The following SLC22A13 variants were observed in gnomAD, a reference collection of about 807,000 sequenced individuals.
SLC22A13 encodes the protein solute carrier family 22 member 13.
Under a neutral mutation model 49.1 loss-of-function variants are expected in SLC22A13, and 42 were observed. The observed-to-expected ratio is 0.85, with a 90% CI of 0.67 to 1.11. The LOEUF (loss-of-function observed/expected upper bound fraction) is 1.11. SLC22A13 is among the 50% of genes least tolerant of loss of function. The pLI, the probability that SLC22A13 is intolerant of heterozygous loss-of-function variation, is 0.00. For missense variants in SLC22A13, 694 were observed against 712.8 expected, an observed-to-expected ratio of 0.97 and a Z score of 0.30; for synonymous variants, 282 against 293.1, an observed-to-expected ratio of 0.96 and a Z score of 0.39.
At chr3:38,271,542 CAAAAAAAAA>C (rs397837435) in intron 1 of SLC22A13, among the ~76,000 whole-genome samples, 29 of 48,426 alleles carry the variant, frequency 6.0e-4, no homozygotes, top group Admixed American at 4.2e-3. Flanking sequence ...GACGCTTTCT[CAAAAAAAAA>C]AAAAAAAAAA....
chr3:38,273,838 A>G (rs545472151), intron 1 of SLC22A13, among the ~76,000 whole-genome samples: 239 of 152,318 alleles, frequency 1.6e-3, no homozygotes, highest in African/African-American at 5.4e-3. Context: ...TACTGATAAG[A>G]TGTATGCACT....
Position 38,275,582 on chromosome 3 carries a change from T to A in SLC22A13, c.932T>A (p.Val311Asp). The change falls in exon 6 of 10, where the codon GTC becomes GAC. Residue 311 changes from valine (V) to aspartate (D), a missense_variant. Transcript: ENST00000311856. ...KLSPELMNQL[V>D]PEKTGPSGNA... ...CACTCTGCTTCTTCCTCCCAGCTGG[T>A]CCCAGAGAAGACAGGCCCCTCAGGG... 6.2e-7 allele frequency: 1 copy of A among 1,613,878 alleles called. No individual in the cohort carries two copies. The highest frequency in any genetic ancestry group is 8.5e-7 in the Non-Finnish European group (1 of 1,179,816).
At chr3:38,276,533 A>T (rs1703586485) in intron 8 of SLC22A13, 138 bp downstream of exon 8, 1 of 647,024 alleles carries the variant, frequency 1.5e-6, no homozygotes, top group Admixed American at 2.9e-5. Flanking sequence ...GTCCAGGACA[A>T]CTAGAAATCT....
intron 9 of SLC22A13, 80 bp downstream of exon 9, chr3:38,277,207 A>G (rs1178029670): frequency 7.5e-6 from 9 of 1,196,610 alleles, no homozygotes; most frequent in East Asian, 2.5e-5. Flanking sequence ...CCTCCACCTC[A>G]TCACTCGTCC....
At chr3:38,266,691 C>G (rs1403565942) in intron 1 of SLC22A13, among the ~76,000 whole-genome samples, 1 of 152,150 alleles carries the variant, frequency 6.6e-6, no homozygotes, top group Non-Finnish European at 1.5e-5. Flanking sequence ...CACTGCCTTC[C>G]TGCTTGCTGG....
At position 38,274,980 on chromosome 3, in the gene SLC22A13, T is replaced by C; in HGVS notation, c.638-9T>C. On this transcript the variant is annotated splice_polypyrimidine_tract_variant and intron_variant, in intron 3 of 9. Coordinates refer to ENST00000311856, the MANE Select transcript of SLC22A13 (RefSeq NM_004256.4). ...GATTAGCCCTGTCTCAACCTCTCCA[T>C]TGCCACAGTGACAGAATGGGTGGGG... is the stretch of plus-strand genomic sequence containing the variant. 3.1e-6 allele frequency: 5 copies of C among 1,613,350 alleles called. No homozygotes were observed. Among genetic ancestry groups the C allele is most frequent in the South Asian group, 1.1e-5 (1 of 91,074 alleles).
intron 1 of SLC22A13, among the ~76,000 whole-genome samples, chr3:38,267,473 G>T (rs1028433037): frequency 7.2e-5 from 11 of 152,066 alleles, no homozygotes; most frequent in Admixed American, 4.6e-4. Context: ...GCCCTAACGT[G>T]TTGTGATATG....
At chr3:38,271,455 A>G (rs1468130771) in intron 1 of SLC22A13, among the ~76,000 whole-genome samples, 1 of 149,242 alleles carries the variant, frequency 6.7e-6, no homozygotes, top group African/African-American at 2.5e-5. Context: ...AGTCTCAGCT[A>G]CTCCAGAGGC....
intron 1 of SLC22A13, among the ~76,000 whole-genome samples, chr3:38,272,413 T>G (rs1374010375): frequency 6.6e-6 from 1 of 152,248 alleles, no homozygotes; most frequent in Non-Finnish European, 1.5e-5. Flanking sequence ...CAGGTGATAC[T>G]ATATAGCATA....
rs749823532 is a variant in SLC22A13 at position 38,276,938 on chromosome 3, T to C, written c.1373T>C (p.Ile458Thr). Residue 458 changes from isoleucine (I) to threonine (T), a missense_variant, in exon 9 of 10, where the codon ATC (isoleucine) becomes ACC (threonine). Transcript: ENST00000311856. ...LRQTGMGLVG[I>T]FSRIGGILTP... ...CAGACAGGCATGGGGCTGGTGGGCATCTTCTCACGGATCGGGGGCATCCTC... is the reference window on the plus strand; with the variant it reads ...CAGACAGGCATGGGGCTGGTGGGCACCTTCTCACGGATCGGGGGCATCCTC... 6.2e-7 allele frequency: 1 copy of C among 1,613,874 alleles called. No individual in the cohort carries two copies. The highest frequency in any genetic ancestry group is 8.5e-7 in the Non-Finnish European group (1 of 1,179,942).
chr3:38,277,651 ACAGGACCTCCCGGCC>A lies in SLC22A13; in HGVS notation c.*187_*201del. The A allele has an allele frequency of 1.9e-6, 1 of 534,030 alleles. No individual in the cohort carries two copies. The highest frequency in any genetic ancestry group is 3.3e-5 in the Admixed American group (1 of 30,378). 33.1% of individuals were successfully genotyped at this position (534,030 alleles called of 1,614,324 possible). A position where few individuals can be genotyped will look rare whatever the true frequency, so the allele number is the denominator to read the frequency against. On this transcript the variant is annotated 3_prime_UTR_variant, in exon 10 of 10. Coordinates refer to ENST00000311856, the MANE Select transcript of SLC22A13 (RefSeq NM_004256.4). ...CCCAGACTGGGAACCACCATCTGAG[ACAGGACCTCCCGGCC>A]TCCTTCACCTTTCTCATCTCCAGAG... is the stretch of plus-strand genomic sequence containing the variant.
rs80045431 is a variant in SLC22A13, at chr3:38,276,318, G to C, written c.1269G>C (p.Val423=). The C allele has an allele frequency of 1.2e-6, 2 of 1,613,736 alleles. No individual in the cohort carries two copies. Among genetic ancestry groups the C allele is most frequent in the African/African-American group, 1.3e-5 (1 of 75,050 alleles). The change falls in exon 8 of 10, where the codon GTG becomes GTC. Residue 423 remains valine (V), a synonymous_variant. Transcript: ENST00000311856. ...CCGTGGTGGTCACCATGCTGGCTGT[G>C]GTGGGGAAGATGGCCACAGCTGCTG... is the stretch of plus-strand genomic sequence containing the variant. ...DLPVVVTMLA[V]VGKMATAAAF... is the part of the protein sequence containing the mutation.
rs548418405 is a variant in SLC22A13 at position 38,272,882 on chromosome 3, C to T, written c.379-1390C>T. 2.6e-5 allele frequency among the ~76,000 whole-genome samples: 4 copies of T among 152,328 alleles called. No individual in the cohort carries two copies. The South Asian group carries it at 8.3e-4, about 32-fold the overall frequency. On this transcript the variant is annotated intron_variant, in intron 1 of 9. Coordinates refer to ENST00000311856, the MANE Select transcript of SLC22A13 (RefSeq NM_004256.4). ...AGCAGACATCCTCTTAGCCTTCACT[C>T]AGATTCATTCCCTGTCTAGGGCAAG... is the stretch of plus-strand genomic sequence containing the variant.
Position 38,266,070 on chromosome 3 carries a change from G to C in SLC22A13, c.210G>C (p.Leu70=), listed in dbSNP as rs1196705561. ...TGAGTGCTGCTGAACAGCTGGTACT[G>C]AGCGTGCCCCTGGACACTGCAGGTC... ...FNLSAAEQLV[L]SVPLDTAGHP... The change falls in exon 1 of 10, where the codon CTG becomes CTC. Residue 70 remains leucine (L), a synonymous_variant. Coordinates refer to ENST00000311856, the MANE Select transcript of SLC22A13 (RefSeq NM_004256.4). 1 of 1,614,150 alleles carries C rather than the reference G, an allele frequency of 6.2e-7. No individual in the cohort carries two copies. The highest frequency in any genetic ancestry group is 1.7e-5 in the Admixed American group (1 of 60,026).
intron 8 of SLC22A13, 51 bp from the exon 9 acceptor site, chr3:38,276,861 A>G (rs376734191): frequency 1.7e-5 from 25 of 1,496,924 alleles, no homozygotes; most frequent in Middle Eastern, 3.4e-4. Flanking sequence ...GGTGAAGCTG[A>G]GGCCCAGAGT....
In SLC22A13 at chr3:38,275,959, T is replaced by C. The variant is rs1703577928; in HGVS notation, c.1100T>C (p.Leu367Pro). ...GGCCTGGACGTCTATCTGACGCAGC[T>C]CATCTTTGGAGCTGTTGAGGTGCCT... ...DFGLDVYLTQLIFGAVEVPAR... is the reference protein window; with the variant it reads ...DFGLDVYLTQPIFGAVEVPAR... The change falls in exon 7 of 10, where the codon CTC becomes CCC. Residue 367 changes from leucine (L) to proline (P), a missense_variant. Leu to Pro is a moderately conservative substitution (Grantham distance 98, BLOSUM62 -3). Coordinates refer to ENST00000311856, the MANE Select transcript of SLC22A13 (RefSeq NM_004256.4). 8 of 1,614,240 alleles carry C rather than the reference T, an allele frequency of 5.0e-6. No individual in the cohort carries two copies. In the East Asian group the frequency reaches 1.8e-4, roughly 36 times the overall value.
In SLC22A13 at chr3:38,274,722, G is replaced by A; in HGVS notation, c.601G>A (p.Ala201Thr). The change falls in exon 3 of 10, where the codon GCC becomes ACC. Residue 201 changes from alanine to threonine, a missense_variant. Coordinates refer to ENST00000311856, the MANE Select transcript of SLC22A13 (RefSeq NM_004256.4). Reference protein sequence around the residue: ...YMALRFAVATAVAGLSFSNVT... With the variant: ...YMALRFAVATTVAGLSFSNVT... ...GGCCCTGCGCTTTGCTGTGGCTACT[G>A]CCGTCGCTGGACTTAGCTTCAGCAA... 1 of 1,614,178 alleles carries A rather than the reference G, an allele frequency of 6.2e-7. No homozygotes were observed. Among genetic ancestry groups the A allele is most frequent in the Non-Finnish European group, 8.5e-7 (1 of 1,180,020 alleles).
rs760282516 is a variant in SLC22A13, at chr3:38,275,085, A to T, written c.734A>T (p.Tyr245Phe). Residue 245 changes from tyrosine to phenylalanine, a missense_variant, in exon 4 of 10, where the codon TAC becomes TTC. Coordinates refer to ENST00000311856, the MANE Select transcript of SLC22A13 (RefSeq NM_004256.4). ...LGQMVLAGLA[Y>F]GFRNWRLLQI... is the part of the protein sequence containing the mutation. ...CAGATGGTGCTTGCGGGACTCGCCT[A>T]CGGTTTCCGCAACTGGAGGCTCCTT... The T allele has an allele frequency of 2.5e-6, 4 of 1,614,184 alleles. No individual in the cohort carries two copies. In the Admixed American group the frequency reaches 6.7e-5, roughly 27 times the overall value.
At position 38,275,896 on chromosome 3, in the gene SLC22A13, T is replaced by G; in HGVS notation, c.1037T>G (p.Leu346Arg). The change falls in exon 7 of 10, where the codon CTG becomes CGG. Residue 346 changes from leucine (L) to arginine (R), a missense_variant. Transcript: ENST00000311856. ...TTACCTTGTAGGTTTGTGGACAGTC[T>G]GGGGTACTACGGCCTGAGCCTCCAA... Reference protein sequence around the residue: ...IIFCVWFVDSLGYYGLSLQVG... With the variant: ...IIFCVWFVDSRGYYGLSLQVG... The G allele has an allele frequency of 1.2e-6, 2 of 1,614,160 alleles. No individual in the cohort carries two copies. Among genetic ancestry groups the G allele is most frequent in the Non-Finnish European group, 8.5e-7 (1 of 1,179,972 alleles).
Sources: allele counts gnomAD v4.1 joint callset (sites outside exome capture counted in the v4.1 genomes callset), GRCh38; gene constraint gnomAD v4.1.1; transcripts MANE v1.5; gene names NCBI Gene and HGNC (gene_info 2026-07-23, HGNC 2026-07-21).